TULP4: variants seen among roughly 807,000 people sequenced by gnomAD.
The protein encoded by TULP4 is TUB like protein 4, also known as tubby-related protein 4.
Under a neutral mutation model 129.0 loss-of-function variants are expected in TULP4, and 16 were observed. The observed-to-expected ratio is 0.12, with a 90% CI of 0.08 to 0.19. The LOEUF is 0.19. TULP4 is among the 10% of genes least tolerant of loss of function. The probability of loss-of-function intolerance (pLI) is 1.00; values close to 1 mark genes in which losing one functional copy is unlikely to be tolerated. For missense variants in TULP4, 1,842 were observed against 2,059.1 expected, an observed-to-expected ratio of 0.89 and a Z score of 2.04; for synonymous variants, 998 against 854.0, an observed-to-expected ratio of 1.17 and a Z score of -2.94.
intron 1 of TULP4, among the ~76,000 whole-genome samples, chr6:158,397,170 C>CA (rs1777737365): frequency 6.6e-6 from 1 of 152,194 alleles, no homozygotes; most frequent in Non-Finnish European, 1.5e-5. Flanking sequence ...TATGGAAACT[C>CA]CCTTGAGTGA....
In TULP4 at chr6:158,503,492, G is replaced by A. The variant is rs748533592; in HGVS notation, c.3829G>A (p.Gly1277Ser). 2.5e-6 allele frequency: 4 copies of A among 1,613,800 alleles called. No homozygotes were observed. The Admixed American group carries it at 5.0e-5, about 20-fold the overall frequency. Residue 1277 changes from glycine to serine, a missense_variant, in exon 13 of 14, where the codon GGC (glycine) becomes AGC (serine). Gly to Ser is a moderately conservative substitution (Grantham distance 56). Transcript: ENST00000367097. This position sits in a 1 kb window ranked among gnomAD's most constrained non-coding sequence, Gnocchi z 4.3. ...SACPPMQNPQ[G>S]TLPPKPHLVV... ...CTGCCCGCCCATGCAGAACCCCCAG[G>A]GCACTCTCCCCCCAAAGCCACACTT...
Position 158,240,554 on chromosome 6 carries a change from G to A in TULP4, n.68+8251G>A, listed in dbSNP as rs547422582. 9.2e-4 allele frequency among the ~76,000 whole-genome samples: 82 copies of A among 89,364 alleles called. 4 individuals carry two copies. The highest frequency in any genetic ancestry group is 8.1e-3 in the Middle Eastern group (1 of 124). The allele number at this position is 89,364 out of a possible 152,430, so 58.6% of individuals were successfully genotyped here. On this transcript the variant is annotated intron_variant and non_coding_transcript_variant, in intron 1 of 1. Coordinates refer to the TULP4 transcript ENST00000620026. ...CCCACCTCCCTCCCGGACGGGGGCG[G>A]CTGGCCGGGCAGAGGGGCTCCTCAC... is the stretch of plus-strand genomic sequence containing the variant.
At position 158,312,942 on chromosome 6, in the gene TULP4, A is replaced by T. The variant is rs1370018935; in HGVS notation, c.-1075A>T. 6.6e-6 allele frequency: 1 copy of T among 152,260 alleles called. No homozygotes were observed. The allele number at this position is 152,260 out of a possible 1,614,324, so 9.4% of individuals were successfully genotyped here. A position where few individuals can be genotyped will look rare whatever the true frequency, so the allele number is the denominator to read the frequency against. ...ATTAACTTCCCTGTCAAGTCCAAGA[A>T]GACTTGCGTATGAGAAGATTACCTG... On this transcript the variant is annotated 5_prime_UTR_variant, in exon 1 of 14. It adds an upstream start codon to the 5' untranslated region. Coordinates refer to ENST00000367097, the MANE Select transcript of TULP4 (RefSeq NM_020245.5).
intron 1 of TULP4, among the ~76,000 whole-genome samples, chr6:158,331,759 G>A (rs370652394): frequency 0.52 from 12,231 of 23,554 alleles, 3,556 homozygotes; most frequent in African/African-American, 0.58. Flanking sequence ...ATATACACGT[G>A]TATATATACA....
At chr6:158,252,342 C>T (rs1323426611) in intron 1 of TULP4, among the ~76,000 whole-genome samples, 2 of 145,452 alleles carry the variant, frequency 1.4e-5, no homozygotes, top group African/African-American at 5.1e-5. Context: ...TTTTCTTGAG[C>T]AGATGTTGGG....
At chr6:158,259,660 C>G (rs567605951) in intron 1 of TULP4, among the ~76,000 whole-genome samples, 2 of 152,204 alleles carry the variant, frequency 1.3e-5, no homozygotes, top group Non-Finnish European at 2.9e-5. Context: ...ACCACCTGAA[C>G]TGAATGTCAG....
At chr6:158,240,091 G>A (rs1209458613) in intron 1 of TULP4, among the ~76,000 whole-genome samples, 1 of 76,566 alleles carries the variant, frequency 1.3e-5, no homozygotes, top group Non-Finnish European at 2.9e-5. Flanking sequence ...GGGCAGAGGG[G>A]CTCCTCACTT....
rs1368530347 is a variant in TULP4 at position 158,506,559 on chromosome 6, T to C, written c.4516-19T>C. 1 of 1,523,282 alleles carries C rather than the reference T, an allele frequency of 6.6e-7. No homozygotes were observed. Among genetic ancestry groups the C allele is most frequent in the African/African-American group, 1.4e-5 (1 of 72,952 alleles). The allele number at this position is 1,523,282 out of a possible 1,614,324, so 94.4% of individuals were successfully genotyped here. A position where few individuals can be genotyped will look rare whatever the true frequency, so the allele number is the denominator to read the frequency against. ...TCACCTTATTCTTTAATGTCTTTGC[T>C]TCCCCTGCCCTCCTCCAGGTGATGC... On this transcript the variant is annotated intron_variant, in intron 13 of 13. Coordinates refer to ENST00000367097, the MANE Select transcript of TULP4 (RefSeq NM_020245.5).
At chr6:158,405,882 T>G (rs1777968081) in intron 1 of TULP4, among the ~76,000 whole-genome samples, 1 of 152,180 alleles carries the variant, frequency 6.6e-6, no homozygotes, top group Non-Finnish European at 1.5e-5. Context: ...TTATTTCTCT[T>G]TAGTGTGATT....
chr6:158,430,289 A>G (rs1393184542), intron 3 of TULP4, among the ~76,000 whole-genome samples: 1 of 150,876 alleles, frequency 6.6e-6, no homozygotes, highest in Non-Finnish European at 1.5e-5. Context: ...TCCACATGGT[A>G]AAAAGCTGGA....
intron 1 of TULP4, among the ~76,000 whole-genome samples, chr6:158,321,364 T>A (rs887873282): frequency 2.0e-5 from 3 of 152,104 alleles, no homozygotes; most frequent in South Asian, 2.1e-4. Context: ...CTGTATTTCC[T>A]CTCTATGTTG....
intron 1 of TULP4, among the ~76,000 whole-genome samples, chr6:158,260,720 T>C (rs1458571311): frequency 6.6e-6 from 1 of 151,340 alleles, no homozygotes; most frequent in Non-Finnish European, 1.5e-5. Flanking sequence ...GAGCAGTGAG[T>C]AGAGGATGAG....
At chr6:158,335,264 G>A (rs1477011478) in intron 1 of TULP4, among the ~76,000 whole-genome samples, 3 of 126,352 alleles carry the variant, frequency 2.4e-5, no homozygotes, top group African/African-American at 6.1e-5. Flanking sequence ...TGAACAGAGC[G>A]AGACTGTCTC....
At chr6:158,504,581 C>T (rs557600052) in intron 13 of TULP4, among the ~76,000 whole-genome samples, 76 of 150,812 alleles carry the variant, frequency 5.0e-4, no homozygotes, top group Admixed American at 1.2e-3. Context: ...TGATCTCGAT[C>T]TCCTGACCTC....
At chr6:158,296,846 A>G (rs1022299508) in intron 1 of TULP4, among the ~76,000 whole-genome samples, 4 of 152,156 alleles carry the variant, frequency 2.6e-5, no homozygotes, top group African/African-American at 9.7e-5. Flanking sequence ...AAAAGATTAC[A>G]TGCTTTAAGG....
At chr6:158,238,204 C>G (rs1777758916) in intron 1 of TULP4, 8 of 820,100 alleles carry the variant, frequency 9.8e-6, no homozygotes, top group South Asian at 9.4e-5. Flanking sequence ...GTGCCATGGT[C>G]AGCTTAATTT....
intron 1 of TULP4, among the ~76,000 whole-genome samples, chr6:158,265,409 G>A (rs1778428864): frequency 1.3e-5 from 2 of 152,146 alleles, no homozygotes; most frequent in East Asian, 3.9e-4. Context: ...TGGCCAGGTG[G>A]GGTGGCGCAC....
intron 1 of TULP4, among the ~76,000 whole-genome samples, chr6:158,380,767 G>A (rs1235734912): frequency 2.6e-5 from 4 of 151,598 alleles, no homozygotes; most frequent in African/African-American, 4.9e-5. Context: ...GGTGGAACAC[G>A]CCTGTAGTCC....
At chr6:158,497,766 C>T (rs1357386013) in intron 11 of TULP4, among the ~76,000 whole-genome samples, 1 of 152,240 alleles carries the variant, frequency 6.6e-6, no homozygotes, top group Non-Finnish European at 1.5e-5. Flanking sequence ...CCATACCAGT[C>T]CATGGGCCAG....
Sources: allele counts gnomAD v4.1 joint callset (sites outside exome capture counted in the v4.1 genomes callset), GRCh38; gene constraint gnomAD v4.1.1; non-coding constraint Gnocchi (gnomAD v3.1); transcripts MANE v1.5; gene names NCBI Gene and HGNC (gene_info 2026-07-23, HGNC 2026-07-21).